The following DNAJC15 variants were observed in gnomAD, a reference collection of about 807,000 sequenced individuals.
DNAJC15 encodes DnaJ heat shock protein family (Hsp40) member C15.
In DNAJC15, 27 loss-of-function variants were observed where a neutral mutation model predicts 22.4. That is an observed-to-expected ratio of 1.20 (90% CI 0.89 to 1.66). The LOEUF (loss-of-function observed/expected upper bound fraction) is 1.66, where lower values mean the gene tolerates loss of function less well. DNAJC15 is among the 40% of genes most tolerant of loss of function. The pLI is 0.00. For missense variants in DNAJC15, 208 were observed against 187.1 expected (o/e 1.11, Z -0.65); for synonymous variants, 79 against 63.2 (o/e 1.25, Z -1.19).
At chr13:43,024,349 T>G (rs997051724) in intron 1 of DNAJC15, among the ~76,000 whole-genome samples, 1 of 141,600 alleles carries the variant, frequency 7.1e-6, no homozygotes, top group Non-Finnish European at 1.5e-5. Context: ...TTTTTTTTTT[T>G]TTTTTTTTTT....
At chr13:43,069,052 A>C (rs1353357409) in intron 3 of DNAJC15, 49 bp downstream of exon 3, 1 of 1,542,608 alleles carries the variant, frequency 6.5e-7, no homozygotes, top group East Asian at 2.3e-5. Context: ...ATTTTTGTTC[A>C]TATGACATAT....
At chr13:43,076,384 C>T (rs2040634027) in intron 3 of DNAJC15, among the ~76,000 whole-genome samples, 1 of 152,120 alleles carries the variant, frequency 6.6e-6, no homozygotes, top group East Asian at 1.9e-4. Flanking sequence ...ATATAAATGG[C>T]CAGATCTGAC....
At chr13:43,030,100 A>C (rs1054923892) in intron 1 of DNAJC15, among the ~76,000 whole-genome samples, 1 of 152,262 alleles carries the variant, frequency 6.6e-6, no homozygotes, top group Admixed American at 6.5e-5. Context: ...CAGAGTACGT[A>C]TAATACTCTG....
At chr13:43,040,635 T>C (rs1362690901) in intron 1 of DNAJC15, among the ~76,000 whole-genome samples, 1 of 151,906 alleles carries the variant, frequency 6.6e-6, no homozygotes, top group Non-Finnish European at 1.5e-5. Flanking sequence ...AGACAAAGTA[T>C]AGAGAAGGAA....
rs533828110 is a variant in DNAJC15 at position 43,107,469 on chromosome 13, T to C, written c.*221T>C. ...TCTATAACTGATCTTTTTTCTTATTTTGTTTGTGACATTCATACATTTTTA... is the reference window on the plus strand; with the variant it reads ...TCTATAACTGATCTTTTTTCTTATTCTGTTTGTGACATTCATACATTTTTA... On this transcript the variant is annotated 3_prime_UTR_variant, in exon 6 of 6. Transcript: ENST00000379221. The C allele has an allele frequency of 6.0e-5, 20 of 334,432 alleles. No homozygotes were observed. In the South Asian group the frequency reaches 1.1e-3, roughly 18 times the overall value. The allele number at this position is 334,432 out of a possible 1,614,324, so 20.7% of individuals were successfully genotyped here. A position where few individuals can be genotyped will look rare whatever the true frequency, so the allele number is the denominator to read the frequency against.
intron 1 of DNAJC15, among the ~76,000 whole-genome samples, chr13:43,055,044 A>T (rs2040522714): frequency 6.7e-6 from 1 of 149,630 alleles, no homozygotes; most frequent in East Asian, 2.0e-4. Flanking sequence ...TCCCTTTAGG[A>T]CATCAAGATA....
At chr13:43,078,763 G>GTCTAA (rs1566212010) in intron 4 of DNAJC15, 75 bp downstream of exon 4, 1 of 1,327,176 alleles carries the variant, frequency 7.5e-7, no homozygotes, top group Non-Finnish European at 1.0e-6. Flanking sequence ...GTTACAATAA[G>GTCTAA]GTTATACTTA....
At chr13:43,062,351 T>C (rs996340507) in intron 1 of DNAJC15, among the ~76,000 whole-genome samples, 1 of 152,248 alleles carries the variant, frequency 6.6e-6, no homozygotes, top group Non-Finnish European at 1.5e-5. Context: ...ACTCTTTCTT[T>C]TTCTGCTGAT....
intron 1 of DNAJC15, among the ~76,000 whole-genome samples, chr13:43,041,130 C>G (rs2040451914): frequency 6.6e-6 from 1 of 152,152 alleles, no homozygotes; most frequent in Non-Finnish European, 1.5e-5. Context: ...TCCCTTCCCA[C>G]GAGGCCATAT....
At chr13:43,030,655 A>G (rs939037592) in intron 1 of DNAJC15, among the ~76,000 whole-genome samples, 13 of 152,336 alleles carry the variant, frequency 8.5e-5, no homozygotes, top group Admixed American at 8.5e-4. Flanking sequence ...TAAGTGCTAT[A>G]GTGGATACAA....
chr13:43,050,235 T>G (rs533231399), intron 1 of DNAJC15, among the ~76,000 whole-genome samples: 1 of 152,332 alleles, frequency 6.6e-6, no homozygotes, highest in South Asian at 2.1e-4. Context: ...TAATTGCTTG[T>G]AAATCTAACA....
intron 4 of DNAJC15, 130 bp downstream of exon 4, chr13:43,078,818 T>C (rs1021406346): frequency 4.3e-6 from 3 of 691,336 alleles, no homozygotes; most frequent in African/African-American, 1.8e-5. Context: ...ATATCAAATT[T>C]TTATATTTTA....
intron 3 of DNAJC15, among the ~76,000 whole-genome samples, chr13:43,072,581 ATTT>A (rs140917513): frequency 7.3e-6 from 1 of 136,606 alleles, no homozygotes; most frequent in Non-Finnish European, 1.6e-5. Flanking sequence ...TCACATCAGC[ATTT>A]TTTTTTTTTT....
Position 43,110,428 on chromosome 13 carries a change from T to A in DNAJC15, c.*3180T>A, listed in dbSNP as rs2040819183. ...TAGAGAGGACTGAAGGAATCAGTGC[T>A]CATCTTTAATATGCAGCAGGACAGG... On this transcript the variant is annotated 3_prime_UTR_variant, in exon 6 of 6. Transcript: ENST00000379221. 1 of 152,224 alleles carries A rather than the reference T, an allele frequency of 6.6e-6. No homozygotes were observed. The highest frequency in any genetic ancestry group is 2.4e-5 in the African/African-American group (1 of 41,442). 9.4% of individuals were successfully genotyped at this position (152,224 alleles called of 1,614,324 possible).
At chr13:43,055,617 C>T (rs568720415) in intron 1 of DNAJC15, among the ~76,000 whole-genome samples, 1 of 152,188 alleles carries the variant, frequency 6.6e-6, no homozygotes, top group Non-Finnish European at 1.5e-5. Flanking sequence ...TGGATCTTCT[C>T]TCTTCTTTTC....
intron 1 of DNAJC15, among the ~76,000 whole-genome samples, chr13:43,043,328 G>C (rs1023518325): frequency 2.0e-5 from 3 of 152,038 alleles, no homozygotes; most frequent in African/African-American, 7.2e-5. Context: ...GACTGGTCTC[G>C]AACTCCTGAC....
At chr13:43,053,090 A>G (rs1000387499) in intron 1 of DNAJC15, among the ~76,000 whole-genome samples, 4 of 152,154 alleles carry the variant, frequency 2.6e-5, no homozygotes, top group African/African-American at 9.7e-5. Flanking sequence ...AAGGTGAGAG[A>G]TGAGGATCCA....
chr13:43,087,522 G>A (rs1271954668), intron 5 of DNAJC15, among the ~76,000 whole-genome samples: 1 of 152,170 alleles, frequency 6.6e-6, no homozygotes, highest in African/African-American at 2.4e-5. Flanking sequence ...AGAGTATTTG[G>A]GGAAGTATGA....
At position 43,111,578 on chromosome 13, in the gene DNAJC15, G is replaced by A. The variant is rs537205595; in HGVS notation, c.*4330G>A. The A allele has an allele frequency of 1.3e-5, 2 of 152,282 alleles. No individual in the cohort carries two copies. The highest frequency in any genetic ancestry group is 3.9e-4 in the East Asian group (2 of 5,184). The allele number at this position is 152,282 out of a possible 1,614,324, so 9.4% of individuals were successfully genotyped here. A position where few individuals can be genotyped will look rare whatever the true frequency, so the allele number is the denominator to read the frequency against. ...ACCATTTGTGGGAGAAGATGAATCA[G>A]CCAGGCTCTTTACGTCAAGAATATG... On this transcript the variant is annotated 3_prime_UTR_variant, in exon 6 of 6. Coordinates refer to ENST00000379221, the MANE Select transcript of DNAJC15 (RefSeq NM_013238.3).
Sources: gnomAD v4.1 joint callset for allele counts (sites outside exome capture counted in the v4.1 genomes callset) on GRCh38, gnomAD v4.1.1 for gene constraint, MANE v1.5 for transcripts, NCBI Gene and HGNC (gene_info 2026-07-23, HGNC 2026-07-21) for gene names.